Variants in IGFLR1 observed in about 807,000 individuals in gnomAD.
The protein encoded by IGFLR1 is IGF like family receptor 1.
In IGFLR1, 17 loss-of-function variants were observed where a neutral mutation model predicts 23.4. That is an observed-to-expected ratio of 0.73 (90% CI 0.50 to 1.09). IGFLR1 has a LOEUF of 1.09. IGFLR1 is among the 50% of genes least tolerant of loss of function. IGFLR1 has a pLI of 0.00. For synonymous variants in IGFLR1, 265 were observed against 210.7 expected, an observed-to-expected ratio of 1.26 and a Z score of -2.23; for missense variants, 556 against 459.2, an observed-to-expected ratio of 1.21 and a Z score of -1.93.
chr19:35,742,330 C>T (rs903353753), intron 1 of IGFLR1, 66 bp downstream of exon 1: 4 of 1,326,018 alleles, frequency 3.0e-6, no homozygotes, highest in Non-Finnish European at 4.0e-6. Flanking sequence ...GTCTCTCCCC[C>T]TTGAATAAGC....
At chr19:35,741,342 G>C (rs1435525069) in intron 1 of IGFLR1, 119 bp from the exon 2 acceptor site, 3 of 1,026,404 alleles carry the variant, frequency 2.9e-6, no homozygotes, top group Non-Finnish European at 4.3e-6. Flanking sequence ...CAACTGAGCC[G>C]GTTATCAGAG....
chr19:35,740,369 C>G lies in IGFLR1; in HGVS notation c.342+11G>C. 6.4e-7 allele frequency: 1 copy of G among 1,561,890 alleles called. No homozygotes were observed. The highest frequency in any genetic ancestry group is 8.7e-7 in the Non-Finnish European group (1 of 1,154,874). ...AGCACGCCCTTGCCCTGCCGGGAGT[C>G]CCATCTGCACCTCTCTGCAGCGCCA... is the stretch of plus-strand genomic sequence containing the variant. On this transcript the variant is annotated intron_variant, in intron 3 of 4. Transcript: ENST00000246532.
At chr19:35,741,594 G>C (rs2146497808) in intron 1 of IGFLR1, 1 of 159,352 alleles carries the variant, frequency 6.3e-6, no homozygotes, top group African/African-American at 2.7e-5. Flanking sequence ...CAAGACAGGA[G>C]GATCACTTGA....
intron 2 of IGFLR1, 136 bp downstream of exon 2, chr19:35,740,888 T>C (rs910851288): frequency 2.5e-6 from 2 of 786,964 alleles, no homozygotes; most frequent in Non-Finnish European, 4.0e-6. Flanking sequence ...CTGCCATCCC[T>C]GTCTGATCTG....
Position 35,739,306 on chromosome 19 carries a change from C to T in IGFLR1, c.1042G>A (p.Gly348Ser), listed in dbSNP as rs771095179. 33 of 1,598,980 alleles carry T rather than the reference C, an allele frequency of 2.1e-5. No individual in the cohort carries two copies. The highest frequency in any genetic ancestry group is 2.5e-5 in the Non-Finnish European group (29 of 1,170,444). ...TAAGCCCAGCAAACCCCAGATGAGC[C>T]AAGCTTGGACAGCACCCGCAATGCA... is the stretch of plus-strand genomic sequence containing the variant. ...ADALRVLSKL[G>S]SSGVCWA Residue 348 changes from glycine (G) to serine (S), a missense_variant, in exon 5 of 5, where the codon GGC becomes AGC. Transcript: ENST00000246532.
Position 35,740,413 on chromosome 19 carries a change from C to G in IGFLR1, c.309G>C (p.Ala103=). 2 of 1,606,828 alleles carry G rather than the reference C, an allele frequency of 1.2e-6. No homozygotes were observed. Among genetic ancestry groups the G allele is most frequent in the Non-Finnish European group, 1.7e-6 (2 of 1,177,196 alleles). The part of the protein sequence containing the change: ...GGGAVTPTPA[A]GGGRTPWRCR... ...AGCGCCACGGGGTTCTGCCCCCGCC[C>G]GCGGCGGGAGTAGGGGTCACGGCTC... is the stretch of plus-strand genomic sequence containing the variant. Residue 103 remains alanine, a synonymous_variant, in exon 3 of 5, where the codon GCG becomes GCC. Coordinates refer to ENST00000246532, the MANE Select transcript of IGFLR1 (RefSeq NM_024660.4).
chr19:35,741,294 T>G, intron 1 of IGFLR1, 71 bp from the exon 2 acceptor site: 2 of 1,482,526 alleles, frequency 1.3e-6, no homozygotes, highest in Non-Finnish European at 1.8e-6. Flanking sequence ...CTCACGCCTC[T>G]TCGGAAGCCG....
intron 2 of IGFLR1, 21 bp from the exon 3 acceptor site, chr19:35,740,585 C>T (rs1361624499): frequency 1.9e-6 from 3 of 1,583,086 alleles, no homozygotes; most frequent in Non-Finnish European, 2.6e-6. Context: ...AGCTGCGCTC[C>T]AGTGCGGCCG....
rs1334691531 is a variant in IGFLR1, at chr19:35,741,270, G to A, written c.-43-47C>T. The A allele has an allele frequency of 5.2e-6, 8 of 1,542,908 alleles. No homozygotes were observed. The East Asian group carries it at 9.3e-5, about 18-fold the overall frequency. ...GGCAGAAGAAAGGACGCGGTGATGT[G>A]GGGGAACAGAATTCTCACGCCTCTT... On this transcript the variant is annotated intron_variant, in intron 1 of 4. Transcript: ENST00000246532.
chr19:35,740,665 A>G, intron 2 of IGFLR1, 101 bp from the exon 3 acceptor site: 3 of 1,176,498 alleles, frequency 2.5e-6, no homozygotes, highest in South Asian at 3.1e-5. Flanking sequence ...CCCCTCCAGG[A>G]CGCTTCCAGC....
At position 35,739,185 on chromosome 19, in the gene IGFLR1, G is replaced by A; in HGVS notation, c.*95C>T. 1.7e-6 allele frequency: 2 copies of A among 1,171,752 alleles called. No individual in the cohort carries two copies. The highest frequency in any genetic ancestry group is 2.4e-6 in the Non-Finnish European group (2 of 841,716). 72.6% of individuals were successfully genotyped at this position (1,171,752 alleles called of 1,614,324 possible). A position where few individuals can be genotyped will look rare whatever the true frequency, so the allele number is the denominator to read the frequency against. On this transcript the variant is annotated 3_prime_UTR_variant, in exon 5 of 5. Transcript: ENST00000246532. ...AGGGCGAAGAGCAGTGAGGCTATCT[G>A]TTGGGTCTTTGCCCAATTAGGATTG...
rs1491114497 is a variant in IGFLR1 at position 35,739,635 on chromosome 19, AAG to A, written c.722-11_722-10del. On this transcript the variant is annotated splice_polypyrimidine_tract_variant and intron_variant, in intron 4 of 4. Coordinates refer to ENST00000246532, the MANE Select transcript of IGFLR1 (RefSeq NM_024660.4). ...CGCCAGACTGGACAGTTCTGGAAGA[AAG>A]GGGAAGGGTAAAGGTGCGGAAGAGC... The A allele has an allele frequency of 1.1e-5, 17 of 1,604,130 alleles. No individual in the cohort carries two copies. Among genetic ancestry groups the A allele is most frequent in the African/African-American group, 2.7e-5 (2 of 74,736 alleles).
chr19:35,740,779 A>C lies in IGFLR1; in HGVS notation c.158-215T>G, dbSNP rs1970178900. The C allele has an allele frequency of 6.3e-6, 4 of 638,252 alleles. No homozygotes were observed. In the South Asian group the frequency reaches 7.9e-5, roughly 13 times the overall value. The allele number at this position is 638,252 out of a possible 1,614,324, so 39.5% of individuals were successfully genotyped here. ...CTCCGCCCACTCCCGGCTTCTCTAC[A>C]TAAAGCCCACCCTTTCCACGCGGCC... On this transcript the variant is annotated intron_variant, in intron 2 of 4. Coordinates refer to ENST00000246532, the MANE Select transcript of IGFLR1 (RefSeq NM_024660.4).
chr19:35,738,956 G>T lies in IGFLR1; in HGVS notation c.*324C>A. On this transcript the variant is annotated 3_prime_UTR_variant, in exon 5 of 5. Transcript: ENST00000246532. The surrounding 1 kb of genome is among the most constrained non-coding windows in gnomAD (Gnocchi z 8.7). ...ACACACCCACCCATCATGACCCAAG[G>T]AAGTTCATCAGCCTCAACAGGTAGG... The T allele has an allele frequency of 4.4e-6, 2 of 453,640 alleles. No individual in the cohort carries two copies. Among genetic ancestry groups the T allele is most frequent in the Non-Finnish European group, 7.9e-6 (2 of 254,318 alleles). The allele number at this position is 453,640 out of a possible 1,614,324, so 28.1% of individuals were successfully genotyped here. A position where few individuals can be genotyped will look rare whatever the true frequency, so the allele number is the denominator to read the frequency against.
At chr19:35,742,001 A>G (rs1483817177) in intron 1 of IGFLR1, among the ~76,000 whole-genome samples, 1 of 152,036 alleles carries the variant, frequency 6.6e-6, no homozygotes, top group Non-Finnish European at 1.5e-5. Flanking sequence ...AATCCCAGCT[A>G]CTTGGGAGGC....
intron 2 of IGFLR1, 180 bp from the exon 3 acceptor site, chr19:35,740,744 C>T (rs966871814): frequency 1.5e-6 from 1 of 658,882 alleles, no homozygotes; most frequent in African/African-American, 1.8e-5. Context: ...CCAGCCTGCT[C>T]CGCACGAAGC....
Position 35,740,027 on chromosome 19 carries a change from G to C in IGFLR1, c.404C>G (p.Ser135Cys), listed in dbSNP as rs1970114202. The C allele has an allele frequency of 5.0e-6, 8 of 1,613,954 alleles. No homozygotes were observed. The highest frequency in any genetic ancestry group is 6.8e-6 in the Non-Finnish European group (8 of 1,180,004). ...LTPGNPGAPS[S>C]QERSSPASSI... ...ACTTGCTGGTGAGCTGCGCTCCTGG[G>C]AGCTAGGGGCGCCTGGGTTTCCAGG... Residue 135 changes from serine (S) to cysteine (C), a missense_variant, in exon 4 of 5, where the codon TCC (serine) becomes TGC (cysteine). Coordinates refer to ENST00000246532, the MANE Select transcript of IGFLR1 (RefSeq NM_024660.4).
At chr19:35,740,773 C>A in intron 2 of IGFLR1, 1 of 639,962 alleles carries the variant, frequency 1.6e-6, no homozygotes, top group Admixed American at 3.1e-5. Flanking sequence ...CTCCCGGCTT[C>A]TCTACATAAA....
chr19:35,738,860 A>T lies in IGFLR1; in HGVS notation c.*420T>A. 1 of 478,392 alleles carries T rather than the reference A, an allele frequency of 2.1e-6. No homozygotes were observed. The highest frequency in any genetic ancestry group is 3.7e-6 in the Non-Finnish European group (1 of 269,640). 29.6% of individuals were successfully genotyped at this position (478,392 alleles called of 1,614,324 possible). A position where few individuals can be genotyped will look rare whatever the true frequency, so the allele number is the denominator to read the frequency against. ...CCCAGGTGGGAACCCCCCCACAATAAAGTCTGTCAATGTTTGGAGAGGTGG... is the reference window on the plus strand; with the variant it reads ...CCCAGGTGGGAACCCCCCCACAATATAGTCTGTCAATGTTTGGAGAGGTGG... On this transcript the variant is annotated 3_prime_UTR_variant, in exon 5 of 5. Coordinates refer to ENST00000246532, the MANE Select transcript of IGFLR1 (RefSeq NM_024660.4). The surrounding 1 kb of genome is among the most constrained non-coding windows in gnomAD (Gnocchi z 8.7).
Sources: allele counts gnomAD v4.1 joint callset (sites outside exome capture counted in the v4.1 genomes callset), GRCh38; gene constraint gnomAD v4.1.1; non-coding constraint Gnocchi (gnomAD v3.1); transcripts MANE v1.5; gene names NCBI Gene and HGNC (gene_info 2026-07-23, HGNC 2026-07-21).